The following CDH4 variants were observed in gnomAD, a reference collection of about 807,000 sequenced individuals.
CDH4 encodes cadherin-4.
CDH4 carries 33 observed loss-of-function variants against 86.0 expected under a neutral mutation model. The ratio of observed to expected loss-of-function variants is 0.38; its 90% CI spans 0.29 to 0.51. The LOEUF (loss-of-function observed/expected upper bound fraction) is 0.51, where lower values mean the gene tolerates loss of function less well. CDH4 is among the 20% of genes least tolerant of loss of function. The probability of loss-of-function intolerance (pLI) is 0.86; values close to 1 mark genes in which losing one functional copy is unlikely to be tolerated. For synonymous variants in CDH4, 555 were observed against 549.4 expected (o/e 1.01, Z -0.14); for missense variants, 1,114 against 1,307.4 (o/e 0.85, Z 2.28).
intron 2 of CDH4, among the ~76,000 whole-genome samples, chr20:61,721,111 G>A (rs2088036186): frequency 6.6e-6 from 1 of 152,208 alleles, no homozygotes; most frequent in Non-Finnish European, 1.5e-5. Flanking sequence ...GGAGCTAAGC[G>A]CACAGTGGGA....
chr20:61,901,136 A>C (rs890549924), intron 8 of CDH4, among the ~76,000 whole-genome samples: 22 of 144,526 alleles, frequency 1.5e-4, no homozygotes, highest in Admixed American at 1.2e-3. Flanking sequence ...AAGCCCAAAA[A>C]GGGGTTTCAG....
rs367607487 is a variant in CDH4, at chr20:61,928,317, C to T, written c.1899C>T (p.Ile633=). The part of the protein sequence containing the change: ...CEKPNLNAIN[I]TAADADVDPN... ...AGCCCAACCTGAACGCCATCAACATCACGGCGGCCGACGCTGACGTCGACC... is the reference window on the plus strand; with the variant it reads ...AGCCCAACCTGAACGCCATCAACATTACGGCGGCCGACGCTGACGTCGACC... The change falls in exon 12 of 16, where the codon ATC becomes ATT. Residue 633 remains isoleucine, a synonymous_variant. Coordinates refer to ENST00000614565, the MANE Select transcript of CDH4 (RefSeq NM_001794.5). 70 of 1,610,572 alleles carry T rather than the reference C, an allele frequency of 4.3e-5. No individual in the cohort carries two copies. The highest frequency in any genetic ancestry group is 2.7e-4 in the Admixed American group (16 of 60,012).
At chr20:61,372,879 G>A (rs1017665173) in intron 2 of CDH4, among the ~76,000 whole-genome samples, 41 of 152,256 alleles carry the variant, frequency 2.7e-4, no homozygotes, top group African/African-American at 8.2e-4. Flanking sequence ...GGAGGTTTCC[G>A]GGAATGAGAT....
intron 2 of CDH4, among the ~76,000 whole-genome samples, chr20:61,528,585 G>A (rs977889198): frequency 2.0e-5 from 3 of 151,972 alleles, no homozygotes; most frequent in African/African-American, 7.2e-5. Flanking sequence ...GCCTGGCAAC[G>A]TAGAAAGACC....
chr20:61,377,861 C>T lies in CDH4; in HGVS notation c.169+122924C>T, dbSNP rs1401861817. 6.6e-6 allele frequency among the ~76,000 whole-genome samples: 1 copy of T among 152,214 alleles called. No homozygotes were observed. The highest frequency in any genetic ancestry group is 6.5e-5 in the Admixed American group (1 of 15,292). ...GTAGCAGAAGGGAGATCAATGCAGC[C>T]CTGCCAATTAGCGGGGAATTAGCTC... On this transcript the variant is annotated intron_variant, in intron 2 of 15. Coordinates refer to ENST00000614565, the MANE Select transcript of CDH4 (RefSeq NM_001794.5). The surrounding 1 kb of genome is among the most constrained non-coding windows in gnomAD (Gnocchi z 4.0).
chr20:61,752,429 G>A (rs954555486), intron 3 of CDH4, among the ~76,000 whole-genome samples: 29 of 151,692 alleles, frequency 1.9e-4, no homozygotes, highest in African/African-American at 6.3e-4. Flanking sequence ...TGCAGCACTC[G>A]TATACTCTTG....
chr20:61,281,375 C>A (rs1280543630), intron 2 of CDH4, among the ~76,000 whole-genome samples: 2 of 152,188 alleles, frequency 1.3e-5, no homozygotes, highest in African/African-American at 2.4e-5. Context: ...TCTCCTTCCC[C>A]CATGTGTGGA....
At chr20:61,339,322 GTGA>G (rs2084636906) in intron 2 of CDH4, among the ~76,000 whole-genome samples, 1 of 152,144 alleles carries the variant, frequency 6.6e-6, no homozygotes, top group Non-Finnish European at 1.5e-5. Flanking sequence ...TCCACTGATG[GTGA>G]TGATGATGAT....
chr20:61,295,632 G>C (rs549170264), intron 2 of CDH4, among the ~76,000 whole-genome samples: 1 of 152,218 alleles, frequency 6.6e-6, no homozygotes, highest in Non-Finnish European at 1.5e-5. Context: ...CATATTTCTC[G>C]GTGAGGAAAC....
chr20:61,560,027 T>C (rs1335948743), intron 2 of CDH4, among the ~76,000 whole-genome samples: 1 of 152,200 alleles, frequency 6.6e-6, no homozygotes, highest in Non-Finnish European at 1.5e-5. Flanking sequence ...CATCAGGCAT[T>C]AGGTAGCCCA....
At chr20:61,475,809 C>G (rs767724224) in intron 2 of CDH4, among the ~76,000 whole-genome samples, 1 of 150,926 alleles carries the variant, frequency 6.6e-6, no homozygotes, top group African/African-American at 2.4e-5. Context: ...TGGTTGATCA[C>G]GAACTACAAA....
At chr20:61,854,059 G>A (rs931147132) in intron 6 of CDH4, among the ~76,000 whole-genome samples, 1 of 152,178 alleles carries the variant, frequency 6.6e-6, no homozygotes, top group African/African-American at 2.4e-5. Context: ...AGTTTAATGG[G>A]GTGTCCTGTA....
chr20:61,605,918 T>C (rs551356160), intron 2 of CDH4, among the ~76,000 whole-genome samples: 1 of 141,314 alleles, frequency 7.1e-6, no homozygotes, highest in Admixed American at 7.1e-5. Flanking sequence ...GGAAACCAGG[T>C]AGAGAGTGAT....
intron 13 of CDH4, among the ~76,000 whole-genome samples, chr20:61,930,505 G>C (rs1050731113): frequency 1.3e-4 from 20 of 152,258 alleles, no homozygotes; most frequent in Middle Eastern, 3.4e-3. Context: ...CCCAGTGGGA[G>C]GCAGGGCGGG....
At chr20:61,766,140 T>C (rs965068444) in intron 3 of CDH4, among the ~76,000 whole-genome samples, 1 of 151,704 alleles carries the variant, frequency 6.6e-6, no homozygotes, top group Non-Finnish European at 1.5e-5. Context: ...AGGAGCCCAC[T>C]TTGCTCACGG....
intron 2 of CDH4, among the ~76,000 whole-genome samples, chr20:61,426,406 G>C (rs1036330394): frequency 3.3e-5 from 5 of 152,200 alleles, no homozygotes; most frequent in Non-Finnish European, 7.3e-5. Flanking sequence ...CTCCAGTACA[G>C]CAAGGACATC....
chr20:61,300,506 C>T (rs566661340), intron 2 of CDH4, among the ~76,000 whole-genome samples: 10 of 152,268 alleles, frequency 6.6e-5, no homozygotes, highest in South Asian at 2.1e-4. Context: ...CCCCTGGCTG[C>T]GGCCACAGCC....
At chr20:61,521,730 G>GC (rs1052763632) in intron 2 of CDH4, among the ~76,000 whole-genome samples, 1 of 152,218 alleles carries the variant, frequency 6.6e-6, no homozygotes, top group East Asian at 1.9e-4. Flanking sequence ...GTGGGTGTGG[G>GC]CCCCCCTGCA....
At chr20:61,353,904 T>A (rs2084731154) in intron 2 of CDH4, among the ~76,000 whole-genome samples, 1 of 151,758 alleles carries the variant, frequency 6.6e-6, no homozygotes, top group Non-Finnish European at 1.5e-5. Context: ...TGGAGAATGA[T>A]GATTTTTCAC....
Sources: gnomAD v4.1 joint callset for allele counts (sites outside exome capture counted in the v4.1 genomes callset) on GRCh38, gnomAD v4.1.1 for gene constraint, Gnocchi (gnomAD v3.1) non-coding constraint, MANE v1.5 for transcripts, NCBI Gene and HGNC (gene_info 2026-07-23, HGNC 2026-07-21) for gene names.